Variants in CACNA1D observed in about 807,000 individuals in gnomAD.
CACNA1D encodes calcium voltage-gated channel subunit alpha1 D.
A neutral mutation model predicts 257.1 loss-of-function variants in CACNA1D; 55 were observed. The observed-to-expected ratio is 0.21, with a 90% CI of 0.17 to 0.27. CACNA1D has a LOEUF of 0.27. Ranked by LOEUF, CACNA1D falls within the 10% of genes least tolerant of loss-of-function variation. The probability of loss-of-function intolerance (pLI) is 1.00; values close to 1 mark genes in which losing one functional copy is unlikely to be tolerated. For synonymous variants in CACNA1D, 980 were observed against 1,014.9 expected (o/e 0.97, Z 0.65); for missense variants, 1,876 against 2,784.0 (o/e 0.67, Z 7.34).
At chr3:53,579,981 GA>G (rs1221919925) in intron 3 of CACNA1D, among the ~76,000 whole-genome samples, 1 of 152,234 alleles carries the variant, frequency 6.6e-6, no homozygotes, top group Non-Finnish European at 1.5e-5. Context: ...CAGTCACATG[GA>G]CAGACTGGTA....
rs376034804 is a variant in CACNA1D at position 53,722,272 on chromosome 3, C to G, written c.1506-42C>G. The G allele has an allele frequency of 1.1e-5, 18 of 1,605,636 alleles. No homozygotes were observed. The African/African-American group carries it at 2.1e-4, about 19-fold the overall frequency. ...ATCATATTTATTGGATACTCAGATGCTGTATCTGTCATCTACGTAGTAATG... is the reference window on the plus strand; with the variant it reads ...ATCATATTTATTGGATACTCAGATGGTGTATCTGTCATCTACGTAGTAATG... On this transcript the variant is annotated intron_variant, in intron 11 of 47. Coordinates refer to ENST00000350061, the MANE Select transcript of CACNA1D (RefSeq NM_001128840.3).
intron 3 of CACNA1D, among the ~76,000 whole-genome samples, chr3:53,615,717 T>G (rs2093629892): frequency 6.6e-6 from 1 of 152,250 alleles, no homozygotes; most frequent in African/African-American, 2.4e-5. Flanking sequence ...TATATGGGTT[T>G]CTGGTCCAAA....
intron 19 of CACNA1D, among the ~76,000 whole-genome samples, 175 bp from the exon 20 acceptor site, chr3:53,735,199 G>A (rs1016355198): frequency 1.3e-5 from 2 of 152,198 alleles, no homozygotes; most frequent in Non-Finnish European, 2.9e-5. Context: ...TGCCTTTGGT[G>A]GGCTTCGAGA....
At chr3:53,698,218 C>T (rs1489752235) in intron 8 of CACNA1D, among the ~76,000 whole-genome samples, 15 of 152,198 alleles carry the variant, frequency 9.9e-5, no homozygotes, top group Non-Finnish European at 1.6e-4. Flanking sequence ...AGCCTGTCCC[C>T]AGAGGGTTCT....
At chr3:53,735,312 T>C (rs2095046679) in intron 19 of CACNA1D, 62 bp from the exon 20 acceptor site, 11 of 1,533,334 alleles carry the variant, frequency 7.2e-6, no homozygotes, top group Non-Finnish European at 9.0e-6. Flanking sequence ...CCCACACTCT[T>C]AAGGACCCAG....
intron 8 of CACNA1D, among the ~76,000 whole-genome samples, chr3:53,693,296 A>T (rs371764576): frequency 1.4e-3 from 219 of 151,970 alleles, no homozygotes; most frequent in African/African-American, 5.0e-3. Context: ...TCCCCACCCC[A>T]CTCTGCCTAT....
Position 53,726,954 on chromosome 3 carries a change from A to G in CACNA1D, c.2176A>G (p.Met726Val), listed in dbSNP as rs568551083. Residue 726 changes from methionine to valine, a missense_variant, in exon 15 of 48, where the codon ATG (methionine) becomes GTG (valine). By Grantham distance (21) the Met-to-Val change is conservative. Transcript: ENST00000350061. ...MAYGGPSSSGMIVCIYFIILF... is the reference protein window; with the variant it reads ...MAYGGPSSSGVIVCIYFIILF... The stretch of plus-strand genomic sequence containing the variant: ...TTACGGGGGCCCATCCTCTTCAGGA[A>G]TGATCGTCTGCATCTACTTCATCAT... 3 of 1,614,170 alleles carry G rather than the reference A, an allele frequency of 1.9e-6. No individual in the cohort carries two copies. The highest frequency in any genetic ancestry group is 1.7e-5 in the Admixed American group (1 of 60,030).
intron 44 of CACNA1D, 51 bp downstream of exon 44, chr3:53,803,623 C>T (rs757022343): frequency 2.7e-5 from 43 of 1,590,478 alleles, no homozygotes; most frequent in Non-Finnish European, 3.4e-5. Context: ...TGCCCTGGTG[C>T]TCGGCCCACT....
At chr3:53,748,314 G>T (rs556778625) in intron 26 of CACNA1D, among the ~76,000 whole-genome samples, 1 of 152,330 alleles carries the variant, frequency 6.6e-6, no homozygotes, top group East Asian at 1.9e-4. Flanking sequence ...GCTGCAGGAG[G>T]TGGGCAGGCT....
intron 37 of CACNA1D, among the ~76,000 whole-genome samples, chr3:53,779,395 G>A (rs1486152907): frequency 6.6e-6 from 1 of 151,600 alleles, no homozygotes; most frequent in African/African-American, 2.4e-5. Context: ...ATATGGAGGT[G>A]TATATGTATG....
intron 7 of CACNA1D, among the ~76,000 whole-genome samples, chr3:53,672,065 C>A (rs1000779597): frequency 6.6e-6 from 1 of 152,222 alleles, no homozygotes; most frequent in African/African-American, 2.4e-5. Flanking sequence ...TTCCATCCAG[C>A]TGTGATCCTT....
At chr3:53,670,598 G>T (rs934013026) in intron 7 of CACNA1D, among the ~76,000 whole-genome samples, 1 of 152,294 alleles carries the variant, frequency 6.6e-6, no homozygotes, top group East Asian at 1.9e-4. Flanking sequence ...ACCTGCCTTG[G>T]CCTCCCAAAG....
intron 8 of CACNA1D, among the ~76,000 whole-genome samples, chr3:53,686,765 TATC>T (rs2094476765): frequency 6.6e-6 from 1 of 152,062 alleles, no homozygotes; most frequent in Non-Finnish European, 1.5e-5. Flanking sequence ...ACCATTTTTC[TATC>T]TTCTTTTATT....
At chr3:53,735,323 T>C (rs770006525) in intron 19 of CACNA1D, 51 bp from the exon 20 acceptor site, 1 of 1,584,304 alleles carries the variant, frequency 6.3e-7, no homozygotes, top group South Asian at 1.1e-5. Context: ...AAGGACCCAG[T>C]GTGTTCCACC....
intron 15 of CACNA1D, among the ~76,000 whole-genome samples, chr3:53,730,054 A>T (rs1395878564): frequency 6.6e-6 from 1 of 152,220 alleles, no homozygotes; most frequent in Non-Finnish European, 1.5e-5. Context: ...TGTTTAAAAA[A>T]AAAACCCAAA....
chr3:53,519,397 G>C (rs976437628), intron 3 of CACNA1D, among the ~76,000 whole-genome samples: 1 of 152,186 alleles, frequency 6.6e-6, no homozygotes, highest in Non-Finnish European at 1.5e-5. Context: ...CTGTAGCAGA[G>C]GGAGCTTCAT....
At chr3:53,704,612 C>T (rs1182030480) in intron 9 of CACNA1D, among the ~76,000 whole-genome samples, 1 of 152,244 alleles carries the variant, frequency 6.6e-6, no homozygotes, top group Non-Finnish European at 1.5e-5. Context: ...GGAGCTTCTG[C>T]ACCTGCAGTA....
At chr3:53,809,597 CTGGGAAG>C (rs777965958) in intron 46 of CACNA1D, 19 of 325,438 alleles carry the variant, frequency 5.8e-5, no homozygotes, top group Non-Finnish European at 1.1e-4. Context: ...CCTATAAGTG[CTGGGAAG>C]TGGTAGTTTC....
intron 3 of CACNA1D, among the ~76,000 whole-genome samples, chr3:53,585,751 A>G (rs961033505): frequency 1.2e-4 from 18 of 152,148 alleles, no homozygotes; most frequent in African/African-American, 4.3e-4. Context: ...GGGCTGGTCC[A>G]CGCAGACAGG....
Sources: gnomAD v4.1 joint callset for allele counts (sites outside exome capture counted in the v4.1 genomes callset) on GRCh38, gnomAD v4.1.1 for gene constraint, MANE v1.5 for transcripts, NCBI Gene and HGNC (gene_info 2026-07-23, HGNC 2026-07-21) for gene names.